POMK: variants seen among roughly 807,000 people sequenced by gnomAD.
POMK encodes the protein protein O-mannose kinase.
POMK carries 19 observed loss-of-function variants against 23.0 expected under a neutral mutation model. The ratio of observed to expected loss-of-function variants is 0.83; its 90% CI spans 0.58 to 1.21. POMK has a LOEUF of 1.21. POMK is among the 50% of genes most tolerant of loss of function. The pLI is 0.00. For missense variants in POMK, 410 were observed against 431.3 expected (o/e 0.95, Z 0.44); for synonymous variants, 173 against 171.6 (o/e 1.01, Z -0.06).
intron 4 of POMK, among the ~76,000 whole-genome samples, chr8:43,115,053 A>C (rs773140330): frequency 6.6e-6 from 1 of 152,178 alleles, no homozygotes; most frequent in South Asian, 2.1e-4. Context: ...TCTTTCTCTT[A>C]AATTATTTTG....
intron 4 of POMK, among the ~76,000 whole-genome samples, chr8:43,105,538 T>C (rs894001869): frequency 4.6e-5 from 7 of 152,240 alleles, no homozygotes; most frequent in Non-Finnish European, 8.8e-5. Flanking sequence ...CTGAATAGTA[T>C]TCTATTTTGT....
chr8:43,112,516 C>A (rs1811696254), intron 4 of POMK, among the ~76,000 whole-genome samples: 3 of 152,062 alleles, frequency 2.0e-5, no homozygotes, highest in Non-Finnish European at 4.4e-5. Flanking sequence ...GAGAACTTCC[C>A]CAATCTAGCA....
chr8:43,096,514 C>G lies in POMK; in HGVS notation c.-209-1010C>G, dbSNP rs767754655. ...GTCTCTATTAAAATACTAAAATTAG[C>G]TGGGCATGGTGGCACGTGCCTGTAA... On this transcript the variant is annotated intron_variant, in intron 1 of 4. Transcript: ENST00000331373. Among the ~76,000 whole-genome samples the G allele has an allele frequency of 2.6e-4, 39 of 152,202 alleles. 1 individual carries two copies. The highest frequency in any genetic ancestry group is 3.4e-3 in the Middle Eastern group (1 of 294).
At position 43,122,438 on chromosome 8, in the gene POMK, C is replaced by G. The variant is rs779414889; in HGVS notation, c.614C>G (p.Ser205Cys). ...SPVGTRVMCD[S>C]NDLPKTLSQY... is the part of the protein sequence containing the mutation. ...GTGGGCACACGGGTCATGTGCGACT[C>G]CAACGACCTGCCGAAGACACTGTCC... The change falls in exon 5 of 5, where the codon TCC becomes TGC. Residue 205 changes from serine (S) to cysteine (C), a missense_variant. Transcript: ENST00000331373. 1 of 1,614,192 alleles carries G rather than the reference C, an allele frequency of 6.2e-7. No individual in the cohort carries two copies. Among genetic ancestry groups the G allele is most frequent in the South Asian group, 1.1e-5 (1 of 91,082 alleles).
At chr8:43,096,684 AAG>A (rs1410419774) in intron 1 of POMK, among the ~76,000 whole-genome samples, 3 of 150,842 alleles carry the variant, frequency 2.0e-5, no homozygotes, top group Middle Eastern at 3.6e-3. Context: ...AAAAAGAAAA[AAG>A]AAAAAAAAGA....
intron 4 of POMK, among the ~76,000 whole-genome samples, chr8:43,118,760 G>T (rs1312850301): frequency 6.6e-6 from 1 of 152,140 alleles, no homozygotes; most frequent in Non-Finnish European, 1.5e-5. Context: ...ACAAATGAGG[G>T]ATCAGGAGCC....
chr8:43,110,077 A>G (rs1811619434), intron 4 of POMK, among the ~76,000 whole-genome samples: 1 of 152,148 alleles, frequency 6.6e-6, no homozygotes, highest in Admixed American at 6.5e-5. Flanking sequence ...TTCCTATCTC[A>G]TTTAAAACAG....
intron 3 of POMK, 127 bp from the exon 4 acceptor site, chr8:43,103,400 CT>C: frequency 1.2e-6 from 1 of 833,654 alleles, no homozygotes; most frequent in Admixed American, 2.3e-5. Flanking sequence ...TCGATACCTG[CT>C]TTAATCCCCA....
At position 43,122,231 on chromosome 8, in the gene POMK, C is replaced by T. The variant is rs138216719; in HGVS notation, c.407C>T (p.Thr136Met). The stretch of plus-strand genomic sequence containing the variant: ...TCTCTCCAAGGCACACATGTTGTCA[C>T]GCTGCTTGGCTATTGTGAGGATGAC... Reference protein sequence around the residue: ...LKSLQGTHVVTLLGYCEDDNT... With the variant: ...LKSLQGTHVVMLLGYCEDDNT... Residue 136 changes from threonine (T) to methionine (M), a missense_variant, in exon 5 of 5, where the codon ACG (threonine) becomes ATG (methionine). Coordinates refer to ENST00000331373, the MANE Select transcript of POMK (RefSeq NM_032237.5). 54 of 1,614,068 alleles carry T rather than the reference C, an allele frequency of 3.3e-5. No individual in the cohort carries two copies. The Admixed American group carries it at 3.7e-4, about 11-fold the overall frequency.
chr8:43,120,593 T>A (rs1462033473), intron 4 of POMK, among the ~76,000 whole-genome samples: 1 of 151,948 alleles, frequency 6.6e-6, no homozygotes, highest in African/African-American at 2.4e-5. Context: ...ATATATATAT[T>A]GAATGATCCT....
At position 43,103,968 on chromosome 8, in the gene POMK, C is replaced by T. The variant is rs534169939; in HGVS notation, c.282+138C>T. 105 of 857,190 alleles carry T rather than the reference C, an allele frequency of 1.2e-4. No homozygotes were observed. The African/African-American group carries it at 1.4e-3, about 11-fold the overall frequency. 53.1% of individuals were successfully genotyped at this position (857,190 alleles called of 1,614,324 possible). On this transcript the variant is annotated intron_variant, in intron 4 of 4. Transcript: ENST00000331373. ...CAAAGTGTACTCCATTGCATATGTGCACCACATTTGCTTTGGTTGATTCTG... is the reference window on the plus strand; with the variant it reads ...CAAAGTGTACTCCATTGCATATGTGTACCACATTTGCTTTGGTTGATTCTG...
intron 4 of POMK, among the ~76,000 whole-genome samples, chr8:43,120,786 T>TG (rs1811901966): frequency 6.6e-6 from 1 of 151,986 alleles, no homozygotes; most frequent in African/African-American, 2.4e-5. Flanking sequence ...CAAGTGATTC[T>TG]CCTGCCTCAG....
chr8:43,098,347 A>G (rs918074369), intron 2 of POMK, among the ~76,000 whole-genome samples: 2 of 152,172 alleles, frequency 1.3e-5, no homozygotes, highest in African/African-American at 4.8e-5. Context: ...GTTTCTGGAC[A>G]TTTCATGTAA....
intron 1 of POMK, among the ~76,000 whole-genome samples, chr8:43,094,992 G>A (rs1811304217): frequency 6.6e-6 from 1 of 152,152 alleles, no homozygotes; most frequent in Non-Finnish European, 1.5e-5. Context: ...CTCATGCTAT[G>A]CTCTGGGCGG....
At chr8:43,103,021 A>C (rs1811475006) in intron 3 of POMK, among the ~76,000 whole-genome samples, 1 of 152,152 alleles carries the variant, frequency 6.6e-6, no homozygotes, top group South Asian at 2.1e-4. Context: ...ATAACTGCTG[A>C]AGAGTAGCTT....
At chr8:43,109,052 T>G (rs1393531389) in intron 4 of POMK, among the ~76,000 whole-genome samples, 2 of 152,258 alleles carry the variant, frequency 1.3e-5, no homozygotes, top group Non-Finnish European at 2.9e-5. Flanking sequence ...CCTGCATGAT[T>G]TTAATACATT....
intron 4 of POMK, among the ~76,000 whole-genome samples, chr8:43,117,790 G>A (rs1811828806): frequency 6.6e-6 from 1 of 152,190 alleles, no homozygotes; most frequent in African/African-American, 2.4e-5. Flanking sequence ...GTGTGACTAA[G>A]GGTGTATTCC....
intron 1 of POMK, among the ~76,000 whole-genome samples, chr8:43,095,996 C>T (rs546765606): frequency 2.0e-4 from 31 of 151,886 alleles, no homozygotes; most frequent in Middle Eastern, 3.4e-3. Context: ...TTCCGTGGAG[C>T]GAACACAGGA....
At chr8:43,106,867 G>A (rs1449919106) in intron 4 of POMK, among the ~76,000 whole-genome samples, 1 of 152,114 alleles carries the variant, frequency 6.6e-6, no homozygotes, top group Non-Finnish European at 1.5e-5. Context: ...TTATTCTTAA[G>A]GTGTGGGCTA....
Sources: gnomAD v4.1 joint callset for allele counts (sites outside exome capture counted in the v4.1 genomes callset) on GRCh38, gnomAD v4.1.1 for gene constraint, MANE v1.5 for transcripts, NCBI Gene and HGNC (gene_info 2026-07-23, HGNC 2026-07-21) for gene names.